CDON: variants seen among roughly 807,000 people sequenced by gnomAD.
CDON encodes the protein cell adhesion molecule-related/down-regulated by oncogenes.
CDON carries 73 observed loss-of-function variants against 120.9 expected under a neutral mutation model. That is an observed-to-expected ratio of 0.60 (90% CI 0.50 to 0.73). The LOEUF (loss-of-function observed/expected upper bound fraction) is 0.73, where lower values mean the gene tolerates loss of function less well. Ranked by LOEUF, CDON falls within the 30% of genes least tolerant of loss-of-function variation. The pLI, the probability that CDON is intolerant of heterozygous loss-of-function variation, is 0.00. For synonymous variants in CDON, 566 were observed against 573.5 expected (o/e 0.99, Z 0.19); for missense variants, 1,470 against 1,587.3 (o/e 0.93, Z 1.26).
chr11:126,032,701 C>T (rs998868013), intron 1 of CDON, among the ~76,000 whole-genome samples: 2 of 152,110 alleles, frequency 1.3e-5, no homozygotes, highest in African/African-American at 4.8e-5. Flanking sequence ...TTTTAAGACA[C>T]GGTCATATTT....
intron 6 of CDON, among the ~76,000 whole-genome samples, chr11:126,016,241 T>C (rs1347481984): frequency 6.6e-6 from 1 of 152,156 alleles, no homozygotes; most frequent in Non-Finnish European, 1.5e-5. Flanking sequence ...TGAAAATCTG[T>C]TTCAATAAAG....
intron 18 of CDON, among the ~76,000 whole-genome samples, chr11:125,972,625 T>G (rs1946034450): frequency 6.6e-6 from 1 of 152,094 alleles, no homozygotes. Context: ...AGAGGCAACG[T>G]TTTCCCTCCA....
At chr11:125,999,386 G>T (rs144792133) in intron 11 of CDON, among the ~76,000 whole-genome samples, 1 of 152,150 alleles carries the variant, frequency 6.6e-6, no homozygotes, top group Admixed American at 6.5e-5. Flanking sequence ...AGTTAGAAGC[G>T]GACTTGGGTA....
intron 8 of CDON, among the ~76,000 whole-genome samples, chr11:126,009,793 AAT>A (rs1947237932): frequency 6.6e-6 from 1 of 152,234 alleles, no homozygotes; most frequent in Non-Finnish European, 1.5e-5. Flanking sequence ...CATGAATATT[AAT>A]AGTCTATATA....
intron 1 of CDON, among the ~76,000 whole-genome samples, chr11:126,056,072 T>G (rs1201281090): frequency 6.6e-6 from 1 of 152,230 alleles, no homozygotes; most frequent in African/African-American, 2.4e-5. Context: ...ACCTCAGTCC[T>G]ACAAATGCCT....
intron 7 of CDON, among the ~76,000 whole-genome samples, chr11:126,014,234 C>T (rs978498809): frequency 1.4e-4 from 22 of 151,930 alleles, no homozygotes; most frequent in Non-Finnish European, 2.9e-4. Context: ...AGAAAAAAGA[C>T]CAACGACCTA....
In CDON at chr11:126,019,767, T is replaced by C. The variant is rs1947580355; in HGVS notation, c.350-2A>G. The C allele has an allele frequency of 6.2e-7, 1 of 1,609,442 alleles. No individual in the cohort carries two copies. The highest frequency in any genetic ancestry group is 1.7e-5 in the Admixed American group (1 of 59,984). The stretch of plus-strand genomic sequence containing the variant: ...TGGATGAACCAAAATCACCAAGAAC[T>C]GAAATATATAAGGAAACAGATAAAT... On this transcript the variant is annotated splice_acceptor_variant, in intron 3 of 19. Transcript: ENST00000531738. LOFTEE classifies it high-confidence loss of function.
At chr11:125,986,061 T>A (rs951418423) in intron 15 of CDON, among the ~76,000 whole-genome samples, 2 of 152,232 alleles carry the variant, frequency 1.3e-5, no homozygotes, top group Non-Finnish European at 2.9e-5. Context: ...GACTTGGAAC[T>A]GACCCAAATG....
At chr11:125,983,491 C>G (rs531632516) in intron 16 of CDON, among the ~76,000 whole-genome samples, 3 of 152,186 alleles carry the variant, frequency 2.0e-5, no homozygotes, top group Non-Finnish European at 4.4e-5. Flanking sequence ...TCCATCATGG[C>G]TTTTCTATTC....
chr11:126,021,618 C>T, intron 2 of CDON, 98 bp from the exon 3 acceptor site: 2 of 1,063,726 alleles, frequency 1.9e-6, no homozygotes, highest in East Asian at 2.5e-5. Flanking sequence ...ATCTTTATAA[C>T]TAAAGGCAAT....
In CDON at chr11:125,960,052, A is replaced by G. The variant is rs1945599662; in HGVS notation, c.*890T>C. 1 of 152,210 alleles carries G rather than the reference A, an allele frequency of 6.6e-6. No homozygotes were observed. Among genetic ancestry groups the G allele is most frequent in the African/African-American group, 2.4e-5 (1 of 41,450 alleles). 9.4% of individuals were successfully genotyped at this position (152,210 alleles called of 1,614,324 possible). ...GTCCATAACACTATGACTAGTGCCT[A>G]GCAAACTGAACATCACTCGTGCCCA... On this transcript the variant is annotated 3_prime_UTR_variant, in exon 20 of 20. Coordinates refer to ENST00000531738, the MANE Select transcript of CDON (RefSeq NM_001378964.1).
chr11:126,017,159 C>G lies in CDON; in HGVS notation c.857G>C (p.Gly286Ala). ...GTTTCCCGCCATGCAGGAATAGTTT[C>G]CGGAGTCCGCCGGGTCAACGCTATC... ...ATDSVDPADS[G>A]NYSCMAGNKS... The change falls in exon 6 of 20, where the codon GGA becomes GCA. Residue 286 changes from glycine to alanine, a missense_variant. Gly to Ala is a moderately conservative substitution (Grantham distance 60). Transcript: ENST00000531738. 2 of 1,614,152 alleles carry G rather than the reference C, an allele frequency of 1.2e-6. No homozygotes were observed. Among genetic ancestry groups the G allele is most frequent in the Non-Finnish European group, 1.7e-6 (2 of 1,180,026 alleles).
intron 2 of CDON, 64 bp from the exon 3 acceptor site, chr11:126,021,584 T>C: frequency 9.6e-5 from 106 of 1,106,920 alleles, no homozygotes; most frequent in Non-Finnish European, 1.3e-4. Context: ...AGAAAGAAGA[T>C]TACATTAAAC....
chr11:125,960,253 G>A lies in CDON; in HGVS notation c.*689C>T, dbSNP rs550032814. ...GTGGTGGCTCACGCCTGTAATCCTCGCACTTTGGGAGGCGGAGGCGGGTGG... is the reference window on the plus strand; with the variant it reads ...GTGGTGGCTCACGCCTGTAATCCTCACACTTTGGGAGGCGGAGGCGGGTGG... On this transcript the variant is annotated 3_prime_UTR_variant, in exon 20 of 20. Coordinates refer to ENST00000531738, the MANE Select transcript of CDON (RefSeq NM_001378964.1). The A allele has an allele frequency of 9.2e-4, 141 of 152,842 alleles. No individual in the cohort carries two copies. In the Middle Eastern group the frequency reaches 0.031, roughly 33 times the overall value. The allele number at this position is 152,842 out of a possible 1,614,324, so 9.5% of individuals were successfully genotyped here. A position where few individuals can be genotyped will look rare whatever the true frequency, so the allele number is the denominator to read the frequency against.
intron 1 of CDON, among the ~76,000 whole-genome samples, chr11:126,046,391 G>A (rs1433943779): frequency 4.6e-5 from 7 of 152,078 alleles, no homozygotes; most frequent in Admixed American, 1.3e-4. Context: ...GTTCAATATC[G>A]CTACAAAAAT....
In CDON at chr11:126,015,280, C is replaced by T. The variant is rs1947429073; in HGVS notation, c.1159G>A (p.Gly387Arg). ...MYQCVADNGI[G>R]FMHSTGRLEI... ...AGTCTTCCAGTAGAGTGCATAAATC[C>T]AATCCCATTATCTGCTACACACTGA... is the stretch of plus-strand genomic sequence containing the variant. Residue 387 changes from glycine to arginine, a missense_variant, in exon 7 of 20, where the codon GGA (glycine) becomes AGA (arginine). Physicochemically the swap from Gly to Arg is moderately radical, Grantham distance 125. Coordinates refer to ENST00000531738, the MANE Select transcript of CDON (RefSeq NM_001378964.1). 6.2e-7 allele frequency: 1 copy of T among 1,613,980 alleles called. No homozygotes were observed. Among genetic ancestry groups the T allele is most frequent in the South Asian group, 1.1e-5 (1 of 91,078 alleles).
chr11:125,992,534 G>A (rs1186320986), intron 14 of CDON, among the ~76,000 whole-genome samples: 4 of 152,130 alleles, frequency 2.6e-5, no homozygotes, highest in African/African-American at 7.2e-5. Flanking sequence ...GCTTTCCCAT[G>A]AGACAGCTAC....
At chr11:125,998,748 C>G (rs1435258042) in intron 11 of CDON, among the ~76,000 whole-genome samples, 1 of 152,134 alleles carries the variant, frequency 6.6e-6, no homozygotes, top group Non-Finnish European at 1.5e-5. Context: ...TTTGTAATTG[C>G]CATTCTGCTT....
intron 14 of CDON, among the ~76,000 whole-genome samples, chr11:125,993,651 C>T (rs941437303): frequency 1.4e-4 from 21 of 152,186 alleles, no homozygotes; most frequent in Non-Finnish European, 2.8e-4. Context: ...GTGCCAAGGT[C>T]CTGAGGCAAA....
Sources: allele counts gnomAD v4.1 joint callset (sites outside exome capture counted in the v4.1 genomes callset), GRCh38; gene constraint gnomAD v4.1.1; transcripts MANE v1.5; gene names NCBI Gene and HGNC (gene_info 2026-07-23, HGNC 2026-07-21).